Variants in IGSF6 observed in about 807,000 individuals in gnomAD.
IGSF6 encodes the protein immunoglobulin superfamily member 6.
Under a neutral mutation model 24.7 loss-of-function variants are expected in IGSF6, and 23 were observed. That is an observed-to-expected ratio of 0.93 (90% CI 0.67 to 1.32). The LOEUF is 1.32. Ranked by LOEUF, IGSF6 falls within the 40% of genes most tolerant of loss-of-function variation. The probability of loss-of-function intolerance (pLI) is 0.00; values close to 1 mark genes in which losing one functional copy is unlikely to be tolerated. For synonymous variants in IGSF6, 110 were observed against 113.7 expected, an observed-to-expected ratio of 0.97 and a Z score of 0.21; for missense variants, 295 against 293.6, an observed-to-expected ratio of 1.00 and a Z score of -0.04.
At chr16:21,647,540 T>G in intron 1 of IGSF6, 48 bp from the exon 2 acceptor site, 1 of 1,558,126 alleles carries the variant, frequency 6.4e-7, no homozygotes. Context: ...CCACCTCACT[T>G]TGTGCTTTTA....
intron 1 of IGSF6, 107 bp downstream of exon 1, chr16:21,652,425 T>C: frequency 1.2e-6 from 1 of 822,928 alleles, no homozygotes; most frequent in Non-Finnish European, 1.9e-6. Flanking sequence ...TTTCATAATG[T>C]TATACATTTA....
At chr16:21,643,303 G>A in intron 4 of IGSF6, 149 bp from the exon 5 acceptor site, 2 of 650,746 alleles carry the variant, frequency 3.1e-6, no homozygotes, top group Non-Finnish European at 5.4e-6. Context: ...TAACTCTTTT[G>A]TATTTGAGAA....
chr16:21,643,212 A>G, intron 4 of IGSF6, 58 bp from the exon 5 acceptor site: 2 of 1,300,064 alleles, frequency 1.5e-6, no homozygotes, highest in Non-Finnish European at 2.2e-6. Context: ...GATGATAACG[A>G]CGCATCATCA....
intron 1 of IGSF6, 84 bp downstream of exon 1, chr16:21,652,448 A>C: frequency 9.5e-7 from 1 of 1,047,896 alleles, no homozygotes; most frequent in Non-Finnish European, 1.4e-6. Flanking sequence ...AATTAATCTG[A>C]AGGAGCTTAA....
intron 1 of IGSF6, among the ~76,000 whole-genome samples, chr16:21,651,334 G>T (rs1302227486): frequency 6.6e-6 from 1 of 152,064 alleles, no homozygotes; most frequent in African/African-American, 2.4e-5. Flanking sequence ...TTGCTCTGTT[G>T]CCCAGGCTGG....
intron 1 of IGSF6, among the ~76,000 whole-genome samples, chr16:21,651,388 G>A (rs1356370301): frequency 2.0e-5 from 3 of 152,120 alleles, no homozygotes; most frequent in African/African-American, 7.2e-5. Context: ...TGAAAGTCCT[G>A]GGCTCAAGTG....
chr16:21,652,430 C>G, intron 1 of IGSF6, 102 bp downstream of exon 1: 3 of 858,618 alleles, frequency 3.5e-6, no homozygotes, highest in Non-Finnish European at 5.5e-6. Flanking sequence ...TAATGTTATA[C>G]ATTTAAAAAT....
intron 1 of IGSF6, among the ~76,000 whole-genome samples, chr16:21,650,544 C>T (rs1464005803): frequency 6.7e-5 from 10 of 149,262 alleles, no homozygotes; most frequent in Non-Finnish European, 1.5e-4. Context: ...GTTGGGGTGG[C>T]GGGGATAGCT....
Position 21,647,415 on chromosome 16 carries a change from TGGTG to T in IGSF6, c.141_144del (p.Thr48Ter). 6.2e-7 allele frequency: 1 copy of T among 1,614,086 alleles called. No homozygotes were observed. The highest frequency in any genetic ancestry group is 8.5e-7 in the Non-Finnish European group (1 of 1,179,994). On this transcript the variant is annotated frameshift_variant, in exon 2 of 6. Coordinates refer to ENST00000268389, the MANE Select transcript of IGSF6 (RefSeq NM_005849.4). LOFTEE classifies it high-confidence loss of function. ...CCGGTTGCGGAGAAGGTACACTTTA[TGGTG>T]ACGGCCTCATGAGTGTAGTCCACTT...
Sources: gnomAD v4.1 joint callset for allele counts (sites outside exome capture counted in the v4.1 genomes callset) on GRCh38, gnomAD v4.1.1 for gene constraint, MANE v1.5 for transcripts, NCBI Gene and HGNC (gene_info 2026-07-23, HGNC 2026-07-21) for gene names.